The following PTCH1 variants were observed in gnomAD, a reference collection of about 807,000 sequenced individuals.
The protein encoded by PTCH1 is patched 1, also known as protein patched homolog 1.
In PTCH1, 14 loss-of-function variants were observed where a neutral mutation model predicts 144.6. The ratio of observed to expected loss-of-function variants is 0.10; its 90% CI spans 0.06 to 0.15. The LOEUF is 0.15. Among genes scored for constraint, PTCH1 ranks in the 10% least tolerant of loss-of-function variants. PTCH1 has a pLI of 1.00. For synonymous variants in PTCH1, 833 were observed against 793.6 expected, an observed-to-expected ratio of 1.05 and a Z score of -0.83; for missense variants, 1,623 against 1,948.3, an observed-to-expected ratio of 0.83 and a Z score of 3.14.
At chr9:95,456,481 C>T (rs904074788) in intron 18 of PTCH1, 68 bp from the exon 19 acceptor site, 25 of 1,581,878 alleles carry the variant, frequency 1.6e-5, no homozygotes, top group South Asian at 1.4e-4. Flanking sequence ...CAAGGGAGGT[C>T]GCCAGAGGGC....
chr9:95,507,414 C>T (rs1407569895), intron 1 of PTCH1: 2 of 985,410 alleles, frequency 2.0e-6, no homozygotes, highest in Non-Finnish European at 2.4e-6. Flanking sequence ...GGGTGCTCGC[C>T]TTCCCTGGAT....
rs754623561 is a variant in PTCH1, at chr9:95,467,236, T to G, written c.2440A>C (p.Asn814His). The change falls in exon 15 of 24, where the codon AAT becomes CAT. Residue 814 changes from asparagine (N) to histidine (H), a missense_variant. Transcript: ENST00000331920. ...AGGTCGTAAAGTAAGTGCTGGATAT[T>G]CGGGTAGTCTGCTTTCTGGGTGACT... ...YIVTQKADYP[N>H]IQHLLYDLHR... 3.7e-6 allele frequency: 6 copies of G among 1,612,672 alleles called. No individual in the cohort carries two copies. The highest frequency in any genetic ancestry group is 1.6e-4 in the Middle Eastern group (1 of 6,082).
intron 18 of PTCH1, among the ~76,000 whole-genome samples, chr9:95,457,118 G>A (rs1454202163): frequency 1.3e-5 from 2 of 152,090 alleles, no homozygotes; most frequent in African/African-American, 2.4e-5. Flanking sequence ...AAATTTGTGG[G>A]GAAATGGAAA....
intron 14 of PTCH1, 112 bp downstream of exon 14, chr9:95,468,639 G>A (rs972145072): frequency 4.2e-5 from 58 of 1,369,896 alleles, no homozygotes; most frequent in South Asian, 7.3e-5. Context: ...ATACTTAAAC[G>A]AAATTTTTTT....
At chr9:95,473,384 C>G (rs1032859364) in intron 12 of PTCH1, among the ~76,000 whole-genome samples, 2 of 152,064 alleles carry the variant, frequency 1.3e-5, no homozygotes, top group African/African-American at 4.8e-5. Context: ...CAACTGAACA[C>G]CCAGAGTCAA....
intron 12 of PTCH1, among the ~76,000 whole-genome samples, chr9:95,471,279 G>A (rs1026914530): frequency 3.3e-5 from 5 of 152,162 alleles, no homozygotes; most frequent in African/African-American, 1.2e-4. Context: ...TGCTGAAGGT[G>A]AACCAGCAAG....
Position 95,449,897 on chromosome 9 carries a change from G to C in PTCH1, c.3493C>G (p.Leu1165Val). Residue 1165 changes from leucine to valine, a missense_variant, in exon 21 of 24, where the codon CTC becomes GTC. Physicochemically the swap from Leu to Val is conservative, Grantham distance 32 (BLOSUM62 1). Around this residue, in one of 7 missense-constraint regions of PTCH1, gnomAD observed 504 missense variants for 679.3 expected, o/e 0.74. Transcript: ENST00000331920. The surrounding 1 kb of genome is among the most constrained non-coding windows in gnomAD (Gnocchi z 5.3). ...ACGGGAAGCAAAACCAGCCCATTGA[G>C]AACGCCGAGGATGGTGAGGATCGCC... ...VLAILTILGV[L>V]NGLVLLPVLL... The C allele has an allele frequency of 6.2e-7, 1 of 1,614,182 alleles. No homozygotes were observed. Among genetic ancestry groups the C allele is most frequent in the Non-Finnish European group, 8.5e-7 (1 of 1,180,032 alleles).
upstream of PTCH1, among the ~76,000 whole-genome samples, chr9:95,509,896 G>T (rs1305705902): frequency 6.6e-6 from 1 of 151,796 alleles, no homozygotes; most frequent in Non-Finnish European, 1.5e-5. Context: ...ACAACGCCTC[G>T]CATTAAGATA....
At chr9:95,463,462 G>T (rs1839719186) in intron 15 of PTCH1, among the ~76,000 whole-genome samples, 1 of 152,180 alleles carries the variant, frequency 6.6e-6, no homozygotes, top group Non-Finnish European at 1.5e-5. Flanking sequence ...GTACTGAGCA[G>T]ATGTTATTTT....
chr9:95,496,690 G>C (rs184513797), intron 2 of PTCH1, among the ~76,000 whole-genome samples: 15 of 151,598 alleles, frequency 9.9e-5, no homozygotes, highest in Admixed American at 8.5e-4. Flanking sequence ...TTTTTTTTCT[G>C]GATCATGTGT....
chr9:95,470,215 C>T (rs1360488417), intron 12 of PTCH1, among the ~76,000 whole-genome samples: 5 of 152,144 alleles, frequency 3.3e-5, no homozygotes, highest in African/African-American at 4.8e-5. Context: ...GTAACCTAAC[C>T]AAACCAAATC....
chr9:95,483,599 C>A (rs1391277392), intron 3 of PTCH1: 3 of 152,440 alleles, frequency 2.0e-5, no homozygotes, highest in Non-Finnish European at 4.4e-5. Flanking sequence ...TGACCCCCTT[C>A]TCCTGAACTC....
chr9:95,462,013 T>C lies in PTCH1; in HGVS notation c.2561-15A>G. The C allele has an allele frequency of 7.4e-6, 12 of 1,614,144 alleles. No homozygotes were observed. The highest frequency in any genetic ancestry group is 1.0e-5 in the Non-Finnish European group (12 of 1,180,024). On this transcript the variant is annotated splice_polypyrimidine_tract_variant and intron_variant, in intron 15 of 23. Coordinates refer to ENST00000331920, the MANE Select transcript of PTCH1 (RefSeq NM_000264.5). Reference sequence around the variant, plus strand: ...ATCCTGAAGTCCTAGAAATGGCAAATGATTGTAACACATTATAACTCGCAG... The same window carrying C: ...ATCCTGAAGTCCTAGAAATGGCAAACGATTGTAACACATTATAACTCGCAG...
chr9:95,505,947 G>A (rs1843564744), intron 2 of PTCH1, among the ~76,000 whole-genome samples: 1 of 147,602 alleles, frequency 6.8e-6, no homozygotes, highest in Admixed American at 6.7e-5. Flanking sequence ...CCAGCCAGCC[G>A]GAGGGGTGGC....
rs902108041 is a variant in PTCH1 at position 95,501,136 on chromosome 9, T to C, written c.394+5271A>G. Among the ~76,000 whole-genome samples, 32 of 152,304 alleles carry C rather than the reference T, an allele frequency of 2.1e-4. 1 individual carries two copies. The Middle Eastern group carries it at 0.027, about 130-fold the overall frequency. Reference sequence around the variant, plus strand: ...GTCTTCCATCTGCACAGCATGAGTCTTCCAATCAAAATCTTTTTATCATCT... The same window carrying C: ...GTCTTCCATCTGCACAGCATGAGTCCTCCAATCAAAATCTTTTTATCATCT... On this transcript the variant is annotated intron_variant, in intron 2 of 23. Coordinates refer to ENST00000331920, the MANE Select transcript of PTCH1 (RefSeq NM_000264.5).
chr9:95,458,306 G>A lies in PTCH1; in HGVS notation c.2888-13C>T, dbSNP rs763810329. On this transcript the variant is annotated splice_polypyrimidine_tract_variant and intron_variant, in intron 17 of 23. Transcript: ENST00000331920. The surrounding 1 kb of genome is among the most constrained non-coding windows in gnomAD (Gnocchi z 4.7). ...TCTGCTGCCGGGACTGGACAGAGAA[G>A]GGCACAGGTTAGGAGCAGCCCAGGG... The A allele has an allele frequency of 1.9e-5, 30 of 1,613,010 alleles. No individual in the cohort carries two copies. In the South Asian group the frequency reaches 3.0e-4, roughly 16 times the overall value.
chr9:95,486,631 C>T (rs899400914), intron 2 of PTCH1, among the ~76,000 whole-genome samples: 4 of 152,286 alleles, frequency 2.6e-5, no homozygotes, highest in African/African-American at 9.6e-5. Flanking sequence ...CTCACACCAA[C>T]CCAGCTTTCC....
In PTCH1 at chr9:95,476,284, G is replaced by A; in HGVS notation, c.1603-125C>T. 1.4e-6 allele frequency: 2 copies of A among 1,396,774 alleles called. No individual in the cohort carries two copies. The highest frequency in any genetic ancestry group is 9.8e-7 in the Non-Finnish European group (1 of 1,020,174). The allele number at this position is 1,396,774 out of a possible 1,614,324, so 86.5% of individuals were successfully genotyped here. The stretch of plus-strand genomic sequence containing the variant: ...ATTACAGCTTATCATGCTGGCATTA[G>A]GGAAACAGAGCCACCTGCCTTACCC... On this transcript the variant is annotated intron_variant, in intron 11 of 23. Transcript: ENST00000331920. The surrounding 1 kb of genome is among the most constrained non-coding windows in gnomAD (Gnocchi z 4.6).
rs1837782773 is a variant in PTCH1, at chr9:95,445,201, A to G, written c.*1192T>C. On this transcript the variant is annotated 3_prime_UTR_variant, in exon 24 of 24. Coordinates refer to ENST00000331920, the MANE Select transcript of PTCH1 (RefSeq NM_000264.5). ...AAGAGAGGGAGTTTAAACTATAGGG[A>G]CTCAAAACATCATTTCTGGGAGACT... is the stretch of plus-strand genomic sequence containing the variant. 2 of 152,240 alleles carry G rather than the reference A, an allele frequency of 1.3e-5. No individual in the cohort carries two copies. Among genetic ancestry groups the G allele is most frequent in the African/African-American group, 4.8e-5 (2 of 41,526 alleles). The allele number at this position is 152,240 out of a possible 1,614,324, so 9.4% of individuals were successfully genotyped here. A position where few individuals can be genotyped will look rare whatever the true frequency, so the allele number is the denominator to read the frequency against.
Sources: allele counts gnomAD v4.1 joint callset (sites outside exome capture counted in the v4.1 genomes callset), GRCh38; gene constraint gnomAD v4.1.1; regional missense constraint gnomAD v4.1.1; non-coding constraint Gnocchi (gnomAD v3.1); transcripts MANE v1.5; gene names NCBI Gene and HGNC (gene_info 2026-07-23, HGNC 2026-07-21).